CAMK1D: variants seen among roughly 807,000 people sequenced by gnomAD.
CAMK1D encodes the protein calcium/calmodulin dependent protein kinase ID.
CAMK1D carries 9 observed loss-of-function variants against 47.7 expected under a neutral mutation model. That is an observed-to-expected ratio of 0.19 (90% CI 0.11 to 0.33). The LOEUF (loss-of-function observed/expected upper bound fraction) is 0.33, where lower values mean the gene tolerates loss of function less well. CAMK1D is among the 10% of genes least tolerant of loss of function. The pLI, the probability that CAMK1D is intolerant of heterozygous loss-of-function variation, is 1.00. For missense variants in CAMK1D, 291 were observed against 488.7 expected (o/e 0.60, Z 3.81); for synonymous variants, 184 against 184.9 (o/e 0.99, Z 0.04).
intron 2 of CAMK1D, among the ~76,000 whole-genome samples, chr10:12,598,036 T>C (rs115999947): frequency 0.016 from 2,387 of 152,324 alleles, 67 homozygotes; most frequent in African/African-American, 0.054. Context: ...GACGATGCCG[T>C]GAAACACACG....
chr10:12,807,881 C>A (rs1838807658), intron 6 of CAMK1D, among the ~76,000 whole-genome samples: 1 of 152,230 alleles, frequency 6.6e-6, no homozygotes, highest in Non-Finnish European at 1.5e-5. Context: ...ATCTCTGCTG[C>A]AAAGCCAATT....
chr10:12,680,865 A>G (rs1840968639), intron 3 of CAMK1D, among the ~76,000 whole-genome samples: 1 of 148,104 alleles, frequency 6.8e-6, no homozygotes, highest in Non-Finnish European at 1.5e-5. Flanking sequence ...AGCCTGGGTG[A>G]CAGAGTGAGA....
chr10:12,461,518 G>A (rs565655358), intron 1 of CAMK1D, among the ~76,000 whole-genome samples: 3 of 151,934 alleles, frequency 2.0e-5, no homozygotes, highest in Admixed American at 6.6e-5. Flanking sequence ...GTGAAACCCC[G>A]TCCCTACTAA....
At chr10:12,462,657 C>T (rs1439431505) in intron 1 of CAMK1D, among the ~76,000 whole-genome samples, 2 of 152,174 alleles carry the variant, frequency 1.3e-5, no homozygotes, top group South Asian at 4.1e-4. Context: ...TCAGATGTGA[C>T]ATGCCTAATG....
chr10:12,361,832 A>G (rs1466162840), intron 1 of CAMK1D, among the ~76,000 whole-genome samples: 1 of 152,100 alleles, frequency 6.6e-6, no homozygotes, highest in Non-Finnish European at 1.5e-5. Context: ...CTCGGATTAC[A>G]GGTGTGAGCC....
intron 1 of CAMK1D, among the ~76,000 whole-genome samples, chr10:12,378,733 G>A (rs1041204486): frequency 2.2e-4 from 33 of 151,490 alleles, no homozygotes; most frequent in Non-Finnish European, 4.7e-4. Context: ...GAGCACTAGA[G>A]TTTACTGGAC....
At chr10:12,358,549 A>G (rs1837578684) in intron 1 of CAMK1D, among the ~76,000 whole-genome samples, 2 of 152,080 alleles carry the variant, frequency 1.3e-5, no homozygotes, top group Admixed American at 6.6e-5. Context: ...TAAAAGAAAA[A>G]AGAAATGGGG....
intron 1 of CAMK1D, among the ~76,000 whole-genome samples, chr10:12,532,720 C>T (rs936705750): frequency 7.9e-5 from 12 of 151,954 alleles, no homozygotes; most frequent in African/African-American, 1.2e-4. Flanking sequence ...GGATGGATAA[C>T]GAAAACCTGG....
At chr10:12,462,218 T>A (rs913218246) in intron 1 of CAMK1D, among the ~76,000 whole-genome samples, 2 of 134,548 alleles carry the variant, frequency 1.5e-5, no homozygotes, top group African/African-American at 5.6e-5. Context: ...CAGGCTGGAG[T>A]GCGGTGGCGT....
chr10:12,647,453 G>A (rs189180911), intron 2 of CAMK1D, among the ~76,000 whole-genome samples: 3 of 152,094 alleles, frequency 2.0e-5, no homozygotes, highest in South Asian at 4.2e-4. Context: ...CCAGCCCTCC[G>A]CCTAGTTTTT....
intron 3 of CAMK1D, among the ~76,000 whole-genome samples, chr10:12,685,104 C>A (rs182665231): frequency 9.8e-5 from 15 of 152,302 alleles, no homozygotes; most frequent in Non-Finnish European, 1.8e-4. Context: ...AGTTCGAGAC[C>A]AGTATGGCCA....
At chr10:12,503,931 C>A (rs1400312510) in intron 1 of CAMK1D, among the ~76,000 whole-genome samples, 2 of 152,144 alleles carry the variant, frequency 1.3e-5, no homozygotes, top group Non-Finnish European at 2.9e-5. Context: ...AGACTTATTT[C>A]CTCTCTGAGG....
intron 1 of CAMK1D, among the ~76,000 whole-genome samples, chr10:12,543,142 G>A (rs1159375706): frequency 6.6e-6 from 1 of 152,106 alleles, no homozygotes; most frequent in Non-Finnish European, 1.5e-5. Flanking sequence ...CCACTTCCTG[G>A]GTTCAAGTGA....
At chr10:12,631,073 C>A (rs1839366297) in intron 2 of CAMK1D, among the ~76,000 whole-genome samples, 1 of 151,990 alleles carries the variant, frequency 6.6e-6, no homozygotes, top group African/African-American at 2.4e-5. Flanking sequence ...TGGCACAGAC[C>A]CTTTGAATCT....
intron 2 of CAMK1D, among the ~76,000 whole-genome samples, chr10:12,565,762 G>A (rs936355506): frequency 4.6e-5 from 7 of 152,056 alleles, no homozygotes; most frequent in African/African-American, 1.7e-4. Context: ...ATTTTTAGGG[G>A]CCACATAACT....
chr10:12,655,570 G>GTTCA (rs1224517063), intron 2 of CAMK1D, among the ~76,000 whole-genome samples: 2 of 152,164 alleles, frequency 1.3e-5, no homozygotes, highest in African/African-American at 2.4e-5. Context: ...AGAATTAATT[G>GTTCA]TTCATTCATT....
intron 5 of CAMK1D, among the ~76,000 whole-genome samples, chr10:12,782,729 A>G (rs916889170): frequency 1.8e-4 from 28 of 152,198 alleles, no homozygotes; most frequent in Non-Finnish European, 2.8e-4. Flanking sequence ...CTGGACACAG[A>G]TACCTACTGG....
intron 1 of CAMK1D, among the ~76,000 whole-genome samples, chr10:12,360,285 C>A (rs1837619537): frequency 6.6e-6 from 1 of 152,174 alleles, no homozygotes; most frequent in African/African-American, 2.4e-5. Flanking sequence ...TTCTGATGTT[C>A]AAGTGACAGT....
At position 12,812,140 on chromosome 10, in the gene CAMK1D, G is replaced by A. The variant is rs11258007; in HGVS notation, c.642-2055G>A. On this transcript the variant is annotated intron_variant, in intron 6 of 10. Transcript: ENST00000619168. ...ACGGGAGGAACAGCTGAGGAATGGC[G>A]GTACCAAGGTGGTGTTTCTAACCTG... is the stretch of plus-strand genomic sequence containing the variant. Among the ~76,000 whole-genome samples, 958 of 152,344 alleles carry A rather than the reference G, an allele frequency of 6.3e-3. 17 individuals carry two copies. Among genetic ancestry groups the A allele is most frequent in the African/African-American group, 0.022 (906 of 41,568 alleles).
Sources: gnomAD v4.1 joint callset for allele counts (sites outside exome capture counted in the v4.1 genomes callset) on GRCh38, gnomAD v4.1.1 for gene constraint, MANE v1.5 for transcripts, NCBI Gene and HGNC (gene_info 2026-07-23, HGNC 2026-07-21) for gene names.